Variants in PTK2 observed in about 807,000 individuals in gnomAD.
PTK2 encodes focal adhesion kinase 1.
PTK2 carries 45 observed loss-of-function variants against 150.1 expected under a neutral mutation model. The ratio of observed to expected loss-of-function variants is 0.30; its 90% CI spans 0.24 to 0.38. The LOEUF (loss-of-function observed/expected upper bound fraction) is 0.38, where lower values mean the gene tolerates loss of function less well. Ranked by LOEUF, PTK2 falls within the 10% of genes least tolerant of loss-of-function variation. PTK2 has a pLI of 1.00. For synonymous variants in PTK2, 432 were observed against 449.2 expected, an observed-to-expected ratio of 0.96 and a Z score of 0.48; for missense variants, 919 against 1,307.3, an observed-to-expected ratio of 0.70 and a Z score of 4.58.
chr8:140,726,244 C>T (rs1028222803), intron 22 of PTK2, among the ~76,000 whole-genome samples: 3 of 152,048 alleles, frequency 2.0e-5, no homozygotes, highest in Admixed American at 6.6e-5. Flanking sequence ...AAGGTGACAA[C>T]GAGAGCTTCT....
intron 26 of PTK2, among the ~76,000 whole-genome samples, chr8:140,700,495 T>C (rs2100029613): frequency 6.6e-6 from 1 of 151,908 alleles, no homozygotes; most frequent in Non-Finnish European, 1.5e-5. Context: ...TAGTTTTTTT[T>C]TTTTTTTGAG....
intron 1 of PTK2, among the ~76,000 whole-genome samples, chr8:140,972,187 TA>T (rs35134075): frequency 6.6e-6 from 1 of 151,344 alleles, no homozygotes; most frequent in African/African-American, 2.4e-5. Flanking sequence ...CCTCCTCCCC[TA>T]AAAAAAAATC....
At chr8:141,000,132 C>T (rs2100199499) in intron 1 of PTK2, among the ~76,000 whole-genome samples, 1 of 149,696 alleles carries the variant, frequency 6.7e-6, no homozygotes, top group Non-Finnish European at 1.5e-5. Context: ...CACACCCCTT[C>T]TTCTAAGAAA....
At chr8:140,743,010 A>G (rs903642290) in intron 20 of PTK2, among the ~76,000 whole-genome samples, 1 of 152,134 alleles carries the variant, frequency 6.6e-6, no homozygotes, top group Non-Finnish European at 1.5e-5. Flanking sequence ...ATCCATTCTG[A>G]GTTAATCTGA....
chr8:140,702,668 C>T, exon 25 of PTK2: 1 of 1,613,980 alleles, frequency 6.2e-7, no homozygotes, highest in East Asian at 2.2e-5. Flanking sequence ...ATGCTGCCAG[C>T]CATGGCTGTG....
At chr8:140,735,565 G>A (rs1196348307) in intron 21 of PTK2, 110 bp from the exon 25 acceptor site, 6 of 958,504 alleles carry the variant, frequency 6.3e-6, no homozygotes, top group Admixed American at 5.7e-5. Flanking sequence ...GGGAGGTAAT[G>A]GGCAAATTAT....
chr8:140,855,467 C>T lies in PTK2; in HGVS notation c.451-8789G>A, dbSNP rs1450413636. Among the ~76,000 whole-genome samples the T allele has an allele frequency of 2.6e-5, 4 of 152,042 alleles. No individual in the cohort carries two copies. In the East Asian group the frequency reaches 5.8e-4, roughly 22 times the overall value. On this transcript the variant is annotated intron_variant, in intron 5 of 31. Coordinates refer to ENST00000522684, the Ensembl canonical transcript of PTK2. ...AAAATTAGCCAGGTATGGTGGCGGGCGACTGTAGTCCCAGCTACTCAGGAG... is the reference window on the plus strand; with the variant it reads ...AAAATTAGCCAGGTATGGTGGCGGGTGACTGTAGTCCCAGCTACTCAGGAG...
At chr8:140,781,525 A>G (rs1183597347) in intron 14 of PTK2, among the ~76,000 whole-genome samples, 10 of 152,242 alleles carry the variant, frequency 6.6e-5, no homozygotes, top group African/African-American at 1.9e-4. Flanking sequence ...AACAAAATTT[A>G]TAAGACTGAG....
intron 7 of PTK2, among the ~76,000 whole-genome samples, chr8:140,844,048 G>A (rs1250838598): frequency 6.6e-6 from 1 of 152,066 alleles, no homozygotes; most frequent in Non-Finnish European, 1.5e-5. Flanking sequence ...GTACTGGTTA[G>A]GTACTTTGTA....
At chr8:140,874,787 C>T (rs2086063256) in intron 4 of PTK2, among the ~76,000 whole-genome samples, 1 of 152,112 alleles carries the variant, frequency 6.6e-6, no homozygotes, top group South Asian at 2.1e-4. Flanking sequence ...TTAACTTAAG[C>T]TAATATTGTT....
intron 4 of PTK2, among the ~76,000 whole-genome samples, chr8:140,870,007 T>C (rs971141135): frequency 3.9e-5 from 6 of 152,058 alleles, no homozygotes; most frequent in African/African-American, 1.4e-4. Context: ...ATGAACAATA[T>C]AATCTTCAAA....
chr8:140,723,664 G>A (rs990123449), intron 22 of PTK2, among the ~76,000 whole-genome samples: 3 of 152,160 alleles, frequency 2.0e-5, no homozygotes, highest in African/African-American at 7.2e-5. Flanking sequence ...AATGTGAACT[G>A]GCAACAAATG....
chr8:140,741,614 A>G (rs1389674878), intron 20 of PTK2, among the ~76,000 whole-genome samples: 2 of 152,128 alleles, frequency 1.3e-5, no homozygotes, highest in Non-Finnish European at 2.9e-5. Context: ...TTTTGTTGCC[A>G]TATAAAAATC....
At chr8:140,756,691 C>G (rs1424454059) in intron 16 of PTK2, among the ~76,000 whole-genome samples, 1 of 99,482 alleles carries the variant, frequency 1.0e-5, no homozygotes, top group African/African-American at 3.9e-5. Flanking sequence ...AACTCTGTCT[C>G]AAAAAAAAAA....
intron 1 of PTK2, chr8:140,984,037 C>A (rs1461788261): frequency 2.6e-5 from 4 of 152,522 alleles, no homozygotes; most frequent in Admixed American, 2.0e-4. Context: ...TGCCTGTAAT[C>A]CCAGCTATTC....
intron 1 of PTK2, among the ~76,000 whole-genome samples, chr8:140,956,851 C>A (rs1281575837): frequency 6.6e-6 from 1 of 152,072 alleles, no homozygotes; most frequent in Non-Finnish European, 1.5e-5. Context: ...CACCTGAGGT[C>A]AGAAGTTCAA....
In PTK2 at chr8:140,820,100, TTTTTTTTTTTTTTTTTTTA is replaced by T. The variant is rs1236963870; in HGVS notation, c.649-1099_649-1081del. ...GGTTTTTTTTTTTTTTTTTTTTTTT[TTTTTTTTTTTTTTTTTTTA>T]AATAGGGTCTCACTCTGTCGCCCAG... On this transcript the variant is annotated intron_variant, in intron 8 of 31. Transcript: ENST00000522684. Among the ~76,000 whole-genome samples, 831 of 90,880 alleles carry T rather than the reference TTTTTTTTTTTTTTTTTTTA, an allele frequency of 9.1e-3. 37 individuals carry two copies. The highest frequency in any genetic ancestry group is 0.018 in the African/African-American group (325 of 17,938). The allele number at this position is 90,880 out of a possible 152,430, so 59.6% of individuals were successfully genotyped here. A position where few individuals can be genotyped will look rare whatever the true frequency, so the allele number is the denominator to read the frequency against.
intron 7 of PTK2, among the ~76,000 whole-genome samples, chr8:140,832,539 T>C (rs1303368881): frequency 1.3e-5 from 2 of 152,198 alleles, no homozygotes; most frequent in Non-Finnish European, 2.9e-5. Flanking sequence ...TGTTCTGCCT[T>C]AGAAGAAAGC....
intron 14 of PTK2, among the ~76,000 whole-genome samples, chr8:140,772,749 C>T (rs2100076240): frequency 6.6e-6 from 1 of 152,024 alleles, no homozygotes; most frequent in South Asian, 2.1e-4. Flanking sequence ...AGTGATAAAG[C>T]AAGTGAGCCA....
Sources: gnomAD v4.1 joint callset for allele counts (sites outside exome capture counted in the v4.1 genomes callset) on GRCh38, gnomAD v4.1.1 for gene constraint, MANE v1.5 for transcripts, NCBI Gene and HGNC (gene_info 2026-07-23, HGNC 2026-07-21) for gene names.